CSGALNACT1: variants seen among roughly 807,000 people sequenced by gnomAD.
The protein encoded by CSGALNACT1 is chondroitin sulfate N-acetylgalactosaminyltransferase 1.
In CSGALNACT1, 52 loss-of-function variants were observed where a neutral mutation model predicts 51.0. The observed-to-expected ratio is 1.02, with a 90% CI of 0.82 to 1.29. CSGALNACT1 has a LOEUF of 1.29. Ranked by LOEUF, CSGALNACT1 falls within the 50% of genes most tolerant of loss-of-function variation. The pLI is 0.00. For missense variants in CSGALNACT1, 935 were observed against 679.2 expected, an observed-to-expected ratio of 1.38 and a Z score of -4.19; for synonymous variants, 341 against 254.4, an observed-to-expected ratio of 1.34 and a Z score of -3.24.
intron 3 of CSGALNACT1, among the ~76,000 whole-genome samples, chr8:19,585,972 C>T (rs1376066580): frequency 6.6e-6 from 1 of 152,140 alleles, no homozygotes; most frequent in African/African-American, 2.4e-5. Context: ...AGGCAGAGCC[C>T]CCAGGAGGCT....
At chr8:19,482,623 C>G (rs777606005) in intron 4 of CSGALNACT1, among the ~76,000 whole-genome samples, 1 of 152,284 alleles carries the variant, frequency 6.6e-6, no homozygotes, top group East Asian at 1.9e-4. Flanking sequence ...CCCTCTTTGG[C>G]TGTTCCTTTA....
At chr8:19,715,685 G>A (rs2062765035) in intron 1 of CSGALNACT1, among the ~76,000 whole-genome samples, 1 of 152,192 alleles carries the variant, frequency 6.6e-6, no homozygotes, top group Non-Finnish European at 1.5e-5. Context: ...GGAGAATAAA[G>A]ATGGGGGTAA....
intron 4 of CSGALNACT1, among the ~76,000 whole-genome samples, chr8:19,478,847 A>G (rs2070544570): frequency 6.6e-6 from 1 of 152,204 alleles, no homozygotes; most frequent in Admixed American, 6.5e-5. Context: ...AACAACATTG[A>G]TATCAAGAAC....
In CSGALNACT1 at chr8:19,599,884, A is replaced by G. The variant is rs1022505223; in HGVS notation, c.-416+1887T>C. Among the ~76,000 whole-genome samples the G allele has an allele frequency of 2.6e-5, 4 of 152,334 alleles. No homozygotes were observed. The East Asian group carries it at 7.7e-4, about 29-fold the overall frequency. On this transcript the variant is annotated intron_variant, in intron 2 of 9. Coordinates refer to ENST00000454498, the Ensembl canonical transcript of CSGALNACT1. ...TGAGTTGTTTCCTTTCTTTTTGGGC[A>G]GACAAACCTACCCCACACCCAGTGC...
chr8:19,456,810 G>A (rs957231465), intron 5 of CSGALNACT1, among the ~76,000 whole-genome samples: 9 of 152,126 alleles, frequency 5.9e-5, no homozygotes, highest in East Asian at 1.9e-4. Flanking sequence ...AGAAATTTAC[G>A]AACTAGGGAA....
chr8:19,592,615 G>A (rs976376539), intron 2 of CSGALNACT1, among the ~76,000 whole-genome samples: 3 of 152,124 alleles, frequency 2.0e-5, no homozygotes, highest in Non-Finnish European at 2.9e-5. Context: ...TTAGGCAGAT[G>A]TAGTGGTACA....
chr8:19,588,966 T>C (rs1370384534), intron 3 of CSGALNACT1, among the ~76,000 whole-genome samples: 2 of 152,130 alleles, frequency 1.3e-5, no homozygotes, highest in Non-Finnish European at 2.9e-5. Flanking sequence ...TGGGGAAGCA[T>C]TCTGGTTGAC....
At chr8:19,426,742 C>A (rs1340256991) in intron 6 of CSGALNACT1, among the ~76,000 whole-genome samples, 1 of 152,124 alleles carries the variant, frequency 6.6e-6, no homozygotes, top group Admixed American at 6.5e-5. Flanking sequence ...TTATAATGAC[C>A]TGACAAAGCT....
exon 10 of CSGALNACT1, chr8:19,405,745 A>C (rs538811239): frequency 1.2e-6 from 2 of 1,613,850 alleles, no homozygotes; most frequent in Non-Finnish European, 1.7e-6. Flanking sequence ...GCAAAAGGAA[A>C]GAAAAAGTGT....
intron 3 of CSGALNACT1, among the ~76,000 whole-genome samples, chr8:19,514,799 C>T (rs1193338870): frequency 6.6e-6 from 1 of 151,714 alleles, no homozygotes; most frequent in Non-Finnish European, 1.5e-5. Flanking sequence ...CTCCACTGTA[C>T]TCCAGCCTGG....
rs1417606339 is a variant in CSGALNACT1 at position 19,567,489 on chromosome 8, A to T, written c.-297+23671T>A. Among the ~76,000 whole-genome samples, 5 of 152,234 alleles carry T rather than the reference A, an allele frequency of 3.3e-5. No homozygotes were observed. The East Asian group carries it at 9.6e-4, about 29-fold the overall frequency. On this transcript the variant is annotated intron_variant, in intron 3 of 9. Transcript: ENST00000454498. ...AATAGAAGGCTACTTCCTTAATCTGATGAAGGGTATTTACAACAACTCTAC... is the reference window on the plus strand; with the variant it reads ...AATAGAAGGCTACTTCCTTAATCTGTTGAAGGGTATTTACAACAACTCTAC...
chr8:19,447,589 G>A (rs996900947), intron 5 of CSGALNACT1, among the ~76,000 whole-genome samples: 6 of 152,190 alleles, frequency 3.9e-5, no homozygotes, highest in Admixed American at 3.3e-4. Flanking sequence ...ATGTGTGGCA[G>A]CATCCCTGGA....
intron 5 of CSGALNACT1, among the ~76,000 whole-genome samples, chr8:19,456,079 A>G (rs1054887370): frequency 6.6e-6 from 1 of 152,188 alleles, no homozygotes; most frequent in African/African-American, 2.4e-5. Context: ...CATTAACTGG[A>G]ATCACGTTTC....
At chr8:19,498,057 A>C (rs1473304926) in intron 4 of CSGALNACT1, among the ~76,000 whole-genome samples, 2 of 152,180 alleles carry the variant, frequency 1.3e-5, no homozygotes, top group African/African-American at 4.8e-5. Flanking sequence ...CACCTTGGGC[A>C]TATGTCATCA....
chr8:19,620,513 G>C (rs1020090380), intron 1 of CSGALNACT1, among the ~76,000 whole-genome samples: 1 of 150,626 alleles, frequency 6.6e-6, no homozygotes, highest in East Asian at 1.9e-4. Flanking sequence ...GGTCACTGCT[G>C]TCTCCACCTC....
Position 19,509,748 on chromosome 8 carries a change from T to G in CSGALNACT1, c.-296-3618A>C, listed in dbSNP as rs141424265. On this transcript the variant is annotated intron_variant, in intron 3 of 9. Transcript: ENST00000454498. ...GCCACAAAATCTCTGTGCAATCTCC[T>G]TCTCTGAGCAACAGTGGGAGAATTA... Among the ~76,000 whole-genome samples, 591 of 152,188 alleles carry G rather than the reference T, an allele frequency of 3.9e-3. 10 individuals carry two copies. The highest frequency in any genetic ancestry group is 0.028 in the South Asian group (134 of 4,820).
At chr8:19,689,390 A>G (rs1413552502) in intron 1 of CSGALNACT1, among the ~76,000 whole-genome samples, 1 of 152,184 alleles carries the variant, frequency 6.6e-6, no homozygotes, top group Non-Finnish European at 1.5e-5. Context: ...ATCTTGAAAG[A>G]GGATTCTCCA....
At chr8:19,501,698 T>A (rs977952146) in intron 4 of CSGALNACT1, among the ~76,000 whole-genome samples, 1 of 152,242 alleles carries the variant, frequency 6.6e-6, no homozygotes, top group Non-Finnish European at 1.5e-5. Flanking sequence ...TTTGATGGGA[T>A]GATGTCAAAC....
At chr8:19,541,847 G>A (rs956747267) in intron 3 of CSGALNACT1, among the ~76,000 whole-genome samples, 1 of 151,988 alleles carries the variant, frequency 6.6e-6, no homozygotes, top group Non-Finnish European at 1.5e-5. Context: ...ATAACTGTGT[G>A]CAATAGAAGA....
Sources: allele counts gnomAD v4.1 joint callset (sites outside exome capture counted in the v4.1 genomes callset), GRCh38; gene constraint gnomAD v4.1.1; transcripts MANE v1.5; gene names NCBI Gene and HGNC (gene_info 2026-07-23, HGNC 2026-07-21).